MOB1B: variants seen among roughly 807,000 people sequenced by gnomAD.
MOB1B encodes the protein MOB kinase activator 1B.
In MOB1B, 19 loss-of-function variants were observed where a neutral mutation model predicts 24.4. The observed-to-expected ratio is 0.78, with a 90% confidence interval of 0.54 to 1.14. MOB1B has a LOEUF of 1.14. MOB1B is among the 50% of genes most tolerant of loss of function. The pLI is 0.00. For synonymous variants in MOB1B, 76 were observed against 82.1 expected (o/e 0.93, Z 0.40); for missense variants, 243 against 259.6 (o/e 0.94, Z 0.44).
At chr4:70,979,008 A>G in intron 4 of MOB1B, 120 bp from the exon 5 acceptor site, 1 of 797,922 alleles carries the variant, frequency 1.3e-6, no homozygotes, top group South Asian at 1.7e-5. Context: ...ATATGTATAA[A>G]TTCATAAATG....
rs925422760 is a variant in MOB1B at position 70,921,559 on chromosome 4, T to G, written c.14+19009T>G. 6.1e-5 allele frequency among the ~76,000 whole-genome samples: 8 copies of G among 131,310 alleles called. No individual in the cohort carries two copies. In the Admixed American group the frequency reaches 6.2e-4, roughly 10 times the overall value. 86.1% of individuals were successfully genotyped at this position (131,310 alleles called of 152,430 possible). ...TATTGCTCTGTCACCCAGGCTGGAG[T>G]GCAGTGGTGCGATCTCAGCTCACTG... On this transcript the variant is annotated intron_variant, in intron 1 of 5. Transcript: ENST00000309395.
chr4:70,914,776 C>G (rs1736132506), intron 1 of MOB1B, among the ~76,000 whole-genome samples: 1 of 152,160 alleles, frequency 6.6e-6, no homozygotes. Flanking sequence ...TGTACTACAG[C>G]TGTTCTCTTG....
rs1371110204 is a variant in MOB1B at position 70,986,583 on chromosome 4, T to C, written c.*4526T>C. On this transcript the variant is annotated 3_prime_UTR_variant, in exon 6 of 6. Coordinates refer to ENST00000309395, the MANE Select transcript of MOB1B (RefSeq NM_173468.4). ...AATTCTTAAAAACACAGATTTATAC[T>C]TTAAGCTTATTTTAAAATTAAAGAA... The C allele has an allele frequency of 6.6e-6, 1 of 152,142 alleles. No homozygotes were observed. The highest frequency in any genetic ancestry group is 1.5e-5 in the Non-Finnish European group (1 of 67,980). 9.4% of individuals were successfully genotyped at this position (152,142 alleles called of 1,614,324 possible). A position where few individuals can be genotyped will look rare whatever the true frequency, so the allele number is the denominator to read the frequency against.
rs1191956051 is a variant in MOB1B, at chr4:70,921,880, C to T, written c.14+19330C>T. On this transcript the variant is annotated intron_variant, in intron 1 of 5. Transcript: ENST00000309395. ...CTTTGAATATGAAAGTGTTAATTAGCCTTATGTCTTCAATTCTCTATCGGG... is the reference window on the plus strand; with the variant it reads ...CTTTGAATATGAAAGTGTTAATTAGTCTTATGTCTTCAATTCTCTATCGGG... Among the ~76,000 whole-genome samples, 3 of 152,032 alleles carry T rather than the reference C, an allele frequency of 2.0e-5. No individual in the cohort carries two copies. In the East Asian group the frequency reaches 5.8e-4, roughly 29 times the overall value.
chr4:70,961,089 A>G (rs1024545661), intron 2 of MOB1B, among the ~76,000 whole-genome samples: 6 of 152,198 alleles, frequency 3.9e-5, no homozygotes, highest in African/African-American at 7.2e-5. Context: ...TACCTATGAT[A>G]AAGCTTAATT....
intron 1 of MOB1B, among the ~76,000 whole-genome samples, chr4:70,958,092 C>G (rs1210278505): frequency 6.6e-6 from 1 of 151,926 alleles, no homozygotes; most frequent in African/African-American, 2.4e-5. Flanking sequence ...AACTGCTTAA[C>G]CAGAATTCTG....
At chr4:70,924,276 C>T (rs1466069390) in intron 1 of MOB1B, among the ~76,000 whole-genome samples, 1 of 152,152 alleles carries the variant, frequency 6.6e-6, no homozygotes, top group Non-Finnish European at 1.5e-5. Context: ...TCCATACCTG[C>T]CAAATATTCA....
At chr4:70,906,255 A>G (rs751690566) in intron 1 of MOB1B, among the ~76,000 whole-genome samples, 1 of 152,092 alleles carries the variant, frequency 6.6e-6, no homozygotes, top group Non-Finnish European at 1.5e-5. Flanking sequence ...GCGGATGCCT[A>G]TAATCCCAGT....
intron 1 of MOB1B, among the ~76,000 whole-genome samples, chr4:70,950,971 G>C (rs777868333): frequency 3.9e-5 from 6 of 152,154 alleles, no homozygotes. Flanking sequence ...CATTTAGCTA[G>C]CTGTGGTTAG....
intron 1 of MOB1B, among the ~76,000 whole-genome samples, chr4:70,920,641 C>A (rs1167420603): frequency 6.6e-6 from 1 of 152,168 alleles, no homozygotes; most frequent in Non-Finnish European, 1.5e-5. Flanking sequence ...GTAAGAAATT[C>A]TTACCCTTTT....
chr4:70,936,061 T>C (rs945711967), intron 1 of MOB1B, among the ~76,000 whole-genome samples: 5 of 151,954 alleles, frequency 3.3e-5, no homozygotes, highest in African/African-American at 7.2e-5. Context: ...CCGTTTTAGC[T>C]GGGATGGTCT....
At chr4:70,916,138 A>T (rs964914592) in intron 1 of MOB1B, among the ~76,000 whole-genome samples, 8 of 152,300 alleles carry the variant, frequency 5.3e-5, no homozygotes, top group Non-Finnish European at 1.0e-4. Flanking sequence ...TTAGTCCAAA[A>T]CGATGGCCTC....
intron 2 of MOB1B, among the ~76,000 whole-genome samples, chr4:70,965,296 C>CAAAAAAA (rs1175536577): frequency 5.5e-5 from 2 of 36,204 alleles, no homozygotes; most frequent in African/African-American, 1.7e-4. Context: ...GACTTCATCT[C>CAAAAAAA]AAAAAAAAAA....
chr4:70,979,337 C>T (rs944706141), intron 5 of MOB1B, 46 bp downstream of exon 5: 3 of 1,458,714 alleles, frequency 2.1e-6, no homozygotes, highest in Admixed American at 1.7e-5. Context: ...AAGCATTTAT[C>T]TTCATAGTTC....
intron 3 of MOB1B, among the ~76,000 whole-genome samples, chr4:70,974,852 A>G (rs1367585731): frequency 6.6e-6 from 1 of 152,234 alleles, no homozygotes; most frequent in African/African-American, 2.4e-5. Context: ...GAAGTAAGCT[A>G]GTTTTTCTAC....
chr4:70,962,055 A>G (rs1030313858), intron 2 of MOB1B, among the ~76,000 whole-genome samples: 1 of 151,964 alleles, frequency 6.6e-6, no homozygotes, highest in East Asian at 1.9e-4. Flanking sequence ...TGTATCTACA[A>G]AAATATAAAA....
Position 70,925,176 on chromosome 4 carries a change from A to G in MOB1B, c.14+22626A>G, listed in dbSNP as rs549238714. On this transcript the variant is annotated intron_variant, in intron 1 of 5. Transcript: ENST00000309395. ...CTCCTGCCTCAGCCTCCTGAGTAGC[A>G]GAGACTTACAGGTGTGTGCCCGGCT... Among the ~76,000 whole-genome samples, 49 of 152,132 alleles carry G rather than the reference A, an allele frequency of 3.2e-4. 1 individual carries two copies. The highest frequency in any genetic ancestry group is 3.0e-3 in the Admixed American group (46 of 15,278).
At chr4:70,902,206 G>A, upstream of MOB1B, 1 of 490,478 alleles carries the variant, frequency 2.0e-6, no homozygotes, top group East Asian at 4.1e-5. Context: ...GCCGCAGCCG[G>A]AGGGCCGGGG....
At chr4:70,969,361 G>T (rs543554418) in intron 2 of MOB1B, among the ~76,000 whole-genome samples, 3 of 152,084 alleles carry the variant, frequency 2.0e-5, no homozygotes, top group African/African-American at 7.2e-5. Flanking sequence ...GAATTCCTGG[G>T]CTCAAGCGAT....
Sources: gnomAD v4.1 joint callset for allele counts (sites outside exome capture counted in the v4.1 genomes callset) on GRCh38, gnomAD v4.1.1 for gene constraint, MANE v1.5 for transcripts, NCBI Gene and HGNC (gene_info 2026-07-23, HGNC 2026-07-21) for gene names.